PRKAR1A: variants seen among roughly 807,000 people sequenced by gnomAD.
PRKAR1A encodes the protein cAMP-dependent protein kinase type I-alpha regulatory subunit.
A neutral mutation model predicts 52.0 loss-of-function variants in PRKAR1A; 3 were observed. The ratio of observed to expected loss-of-function variants is 0.06; its 90% CI spans 0.03 to 0.15. The LOEUF (loss-of-function observed/expected upper bound fraction) is 0.15, where lower values mean the gene tolerates loss of function less well. Among genes scored for constraint, PRKAR1A ranks in the 10% least tolerant of loss-of-function variants. The probability of loss-of-function intolerance (pLI) is 1.00; values close to 1 mark genes in which losing one functional copy is unlikely to be tolerated. For synonymous variants in PRKAR1A, 188 were observed against 168.4 expected, an observed-to-expected ratio of 1.12 and a Z score of -0.90; for missense variants, 240 against 477.4, an observed-to-expected ratio of 0.50 and a Z score of 4.63.
the PRKAR1A span, among the ~76,000 whole-genome samples, chr17:68,469,651 A>G: frequency 6.6e-6 from 1 of 151,556 alleles, no homozygotes; most frequent in Non-Finnish European, 1.5e-5. Flanking sequence ...TGATTTAACT[A>G]GCATTATTGA....
the PRKAR1A span, among the ~76,000 whole-genome samples, chr17:68,505,270 G>C: frequency 6.6e-6 from 1 of 152,136 alleles, no homozygotes; most frequent in Non-Finnish European, 1.5e-5. Context: ...CAGCTTAGGT[G>C]GCAGAGCCAG....
chr17:68,516,898 G>A (rs1016332092), intron 2 of PRKAR1A, among the ~76,000 whole-genome samples: 6 of 152,176 alleles, frequency 3.9e-5, no homozygotes, highest in South Asian at 2.1e-4. Flanking sequence ...CTGGAGATCC[G>A]GTTTTGAAAT....
the PRKAR1A span, among the ~76,000 whole-genome samples, chr17:68,455,513 A>G: frequency 6.6e-6 from 1 of 152,222 alleles, no homozygotes. Context: ...AGAAAAAGAC[A>G]TGGCAATACA....
chr17:68,442,420 G>GCAC, the PRKAR1A span, among the ~76,000 whole-genome samples: 79 of 148,422 alleles, frequency 5.3e-4, 1 homozygote, highest in African/African-American at 1.8e-3. Flanking sequence ...AGCTGAGATT[G>GCAC]CACCACCTCA....
the PRKAR1A span, among the ~76,000 whole-genome samples, chr17:68,468,388 T>C: frequency 6.6e-6 from 1 of 152,104 alleles, no homozygotes; most frequent in Non-Finnish European, 1.5e-5. Flanking sequence ...AATGTGTCAG[T>C]TGGTAAAGAA....
At chr17:68,435,795 C>G in the PRKAR1A span, 4 of 1,260,920 alleles carry the variant, frequency 3.2e-6, no homozygotes, top group Non-Finnish European at 3.5e-6. Flanking sequence ...CTCTTTTCTC[C>G]TTTCTCCCTC....
downstream of PRKAR1A, chr17:68,535,889 T>C (rs766256671): frequency 1.8e-5 from 8 of 453,912 alleles, no homozygotes; most frequent in East Asian, 5.6e-4. Context: ...AAAAGAAGAC[T>C]TTGGAATAGG....
intron 6 of PRKAR1A, 98 bp downstream of exon 6, chr17:68,525,056 C>T (rs2085743969): frequency 4.2e-6 from 4 of 945,398 alleles, no homozygotes; most frequent in African/African-American, 1.6e-5. Flanking sequence ...GTCATTACAT[C>T]CCTTGTATGT....
At chr17:68,527,776 C>T (rs1340313286) in intron 7 of PRKAR1A, 64 bp from the exon 8 acceptor site, 20 of 1,293,662 alleles carry the variant, frequency 1.5e-5, no homozygotes, top group Non-Finnish European at 2.1e-5. Context: ...TTTATTATTC[C>T]ATAGCATTAT....
At chr17:68,528,660 A>T in intron 8 of PRKAR1A, 1 of 612,710 alleles carries the variant, frequency 1.6e-6, no homozygotes. Flanking sequence ...CCACTGGGCT[A>T]CCGAAGTAAG....
At chr17:68,424,896 T>A in the PRKAR1A span, among the ~76,000 whole-genome samples, 8 of 152,184 alleles carry the variant, frequency 5.3e-5, no homozygotes, top group South Asian at 1.0e-3. Flanking sequence ...ACAAAACAAA[T>A]CAGTACTTCC....
At chr17:68,497,379 G>A in the PRKAR1A span, among the ~76,000 whole-genome samples, 97 of 152,194 alleles carry the variant, frequency 6.4e-4, no homozygotes, top group African/African-American at 2.1e-3. Context: ...GCTAGTCCCC[G>A]TTCTAGAGGG....
chr17:68,490,157 C>A, the PRKAR1A span, among the ~76,000 whole-genome samples: 1 of 152,230 alleles, frequency 6.6e-6, no homozygotes, highest in East Asian at 1.9e-4. Context: ...CCTGAGCAGA[C>A]AGCCCTTCAG....
At chr17:68,459,110 A>G in the PRKAR1A span, among the ~76,000 whole-genome samples, 2 of 152,322 alleles carry the variant, frequency 1.3e-5, no homozygotes, top group East Asian at 1.9e-4. Flanking sequence ...AAAATAGTTC[A>G]GCTCATAGAT....
chr17:68,475,604 C>T, the PRKAR1A span, among the ~76,000 whole-genome samples: 1 of 152,236 alleles, frequency 6.6e-6, no homozygotes, highest in African/African-American at 2.4e-5. Context: ...GCTGGGACTA[C>T]AGGCGTGTGC....
the PRKAR1A span, among the ~76,000 whole-genome samples, chr17:68,504,465 C>CA: frequency 1.3e-5 from 2 of 151,522 alleles, no homozygotes; most frequent in African/African-American, 2.4e-5. Flanking sequence ...GGTTCTGTCT[C>CA]AAAAAAAGAC....
At chr17:68,528,757 T>C in intron 8 of PRKAR1A, 113 bp from the exon 9 acceptor site, 1 of 1,381,202 alleles carries the variant, frequency 7.2e-7, no homozygotes, top group Non-Finnish European at 1.0e-6. Context: ...TCTGAGACAC[T>C]ACTAGAATGT....
chr17:68,544,566 T>A lies in PRKAR1A; in HGVS notation c.974-6518T>A, dbSNP rs567825853. On this transcript the variant is annotated intron_variant, in intron 11 of 11. Transcript: ENST00000585981. ...GCGATTTAGATGTAAATAAACGTGA[T>A]GTTGCAGAAATCTATAAATAAGAAG... 1.6e-4 allele frequency among the ~76,000 whole-genome samples: 24 copies of A among 152,352 alleles called. No individual in the cohort carries two copies. The South Asian group carries it at 4.8e-3, about 30-fold the overall frequency.
chr17:68,483,320 A>C, the PRKAR1A span, among the ~76,000 whole-genome samples: 1 of 151,946 alleles, frequency 6.6e-6, no homozygotes, highest in Non-Finnish European at 1.5e-5. Context: ...ATCTCTACTA[A>C]AAATACAAAA....
Sources: gnomAD v4.1 joint callset for allele counts (sites outside exome capture counted in the v4.1 genomes callset) on GRCh38, gnomAD v4.1.1 for gene constraint, MANE v1.5 for transcripts, NCBI Gene and HGNC (gene_info 2026-07-23, HGNC 2026-07-21) for gene names.